The following CREBBP variants were observed in gnomAD, a reference collection of about 807,000 sequenced individuals.
CREBBP encodes the protein CREB binding lysine acetyltransferase.
Under a neutral mutation model 265.0 loss-of-function variants are expected in CREBBP, and 19 were observed. That is an observed-to-expected ratio of 0.07 (90% CI 0.05 to 0.11). The LOEUF is 0.11. Among genes scored for constraint, CREBBP ranks in the 10% least tolerant of loss-of-function variants. The pLI, the probability that CREBBP is intolerant of heterozygous loss-of-function variation, is 1.00. For missense variants in CREBBP, 2,525 were observed against 3,219.0 expected (o/e 0.78, Z 5.22); for synonymous variants, 1,457 against 1,223.7 (o/e 1.19, Z -3.98).
chr16:3,879,234 G>A (rs1473979367), intron 1 of CREBBP, among the ~76,000 whole-genome samples: 1 of 150,720 alleles, frequency 6.6e-6, no homozygotes, highest in African/African-American at 2.4e-5. Context: ...ACACACGCGC[G>A]CACACACACA....
At chr16:3,831,447 T>C (rs2054340755) in intron 2 of CREBBP, among the ~76,000 whole-genome samples, 1 of 152,070 alleles carries the variant, frequency 6.6e-6, no homozygotes, top group Non-Finnish European at 1.5e-5. Context: ...TAAGGAGAAA[T>C]TTATTGCCCA....
At chr16:3,867,903 C>T (rs1036377629) in intron 1 of CREBBP, among the ~76,000 whole-genome samples, 2 of 151,858 alleles carry the variant, frequency 1.3e-5, no homozygotes, top group East Asian at 1.9e-4. Context: ...ACCAGCCTGG[C>T]GGACAGAGTG....
At chr16:3,762,876 G>A (rs1316905625) in intron 16 of CREBBP, among the ~76,000 whole-genome samples, 6 of 151,856 alleles carry the variant, frequency 4.0e-5, no homozygotes, top group Non-Finnish European at 7.4e-5. Context: ...CCAGGTTCAT[G>A]CCATTCTCCT....
rs1281471008 is a variant in CREBBP at position 3,728,567 on chromosome 16, C to A, written c.6480G>T (p.Ala2160=). 4.0e-5 allele frequency: 65 copies of A among 1,614,030 alleles called. No individual in the cohort carries two copies. Among genetic ancestry groups the A allele is most frequent in the Non-Finnish European group, 5.3e-5 (62 of 1,179,988 alleles). The part of the protein sequence containing the change: ...PRPGVPPQQQ[A]MGGLNPQGQA... ...GGCCCTGGGGGTTCAGGCCTCCCAT[C>A]GCCTGCTGCTGTGGAGGCACACCGG... The change falls in exon 31 of 31, where the codon GCG becomes GCT. Residue 2160 remains alanine (A), a synonymous_variant. Coordinates refer to ENST00000262367, the MANE Select transcript of CREBBP (RefSeq NM_004380.3). This position sits in a 1 kb window ranked among gnomAD's most constrained non-coding sequence, Gnocchi z 8.7.
At chr16:3,741,363 T>C (rs914254777) in intron 23 of CREBBP, 1 of 152,228 alleles carries the variant, frequency 6.6e-6, no homozygotes, top group Non-Finnish European at 1.5e-5. Context: ...TTTCCTACAT[T>C]AGTGAGAAAT....
At chr16:3,798,806 C>G (rs542440802) in intron 3 of CREBBP, among the ~76,000 whole-genome samples, 1 of 152,334 alleles carries the variant, frequency 6.6e-6, no homozygotes, top group Admixed American at 6.5e-5. Flanking sequence ...AAAATTACCA[C>G]ATGACCTCTG....
chr16:3,748,935 C>G (rs771782066), intron 21 of CREBBP, among the ~76,000 whole-genome samples: 12 of 152,322 alleles, frequency 7.9e-5, no homozygotes, highest in Non-Finnish European at 1.3e-4. Context: ...CACCTGAGGT[C>G]AGGAGATCGA....
At chr16:3,780,670 T>C (rs547371119) in intron 8 of CREBBP, 62 bp downstream of exon 8, 1 of 1,571,366 alleles carries the variant, frequency 6.4e-7, no homozygotes, top group Middle Eastern at 2.1e-4. Flanking sequence ...TGTCATCTGG[T>C]AGCCAATGGG....
intron 3 of CREBBP, among the ~76,000 whole-genome samples, chr16:3,799,862 CAAT>C (rs2053677998): frequency 6.6e-6 from 1 of 152,106 alleles, no homozygotes; most frequent in Admixed American, 6.5e-5. Flanking sequence ...TTACTAACAA[CAAT>C]AAGGCAGACC....
At chr16:3,741,721 CCT>C (rs1252910437) in intron 23 of CREBBP, 5 of 152,210 alleles carry the variant, frequency 3.3e-5, no homozygotes, top group East Asian at 1.9e-4. Flanking sequence ...GAGTGGATCA[CCT>C]GAGGTCAGGA....
intron 2 of CREBBP, among the ~76,000 whole-genome samples, chr16:3,832,630 T>C (rs1156900574): frequency 6.6e-6 from 1 of 152,204 alleles, no homozygotes; most frequent in African/African-American, 2.4e-5. Context: ...TGTAACAAAA[T>C]TGTAAGTATT....
At chr16:3,802,237 T>C (rs1217490610) in intron 3 of CREBBP, among the ~76,000 whole-genome samples, 1 of 142,666 alleles carries the variant, frequency 7.0e-6, no homozygotes, top group Non-Finnish European at 1.5e-5. Flanking sequence ...ATTCAAGCAA[T>C]TCTCCTGTCT....
chr16:3,831,430 T>C lies in CREBBP; in HGVS notation c.798+18867A>G, dbSNP rs532899322. On this transcript the variant is annotated intron_variant, in intron 2 of 30. Coordinates refer to ENST00000262367, the MANE Select transcript of CREBBP (RefSeq NM_004380.3). ...GAAATGGGGAAATAAAAAAGATGCA[T>C]AGGGTTTAAGGAGAAATTTATTGCC... Among the ~76,000 whole-genome samples, 3 of 152,278 alleles carry C rather than the reference T, an allele frequency of 2.0e-5. No individual in the cohort carries two copies. In the East Asian group the frequency reaches 5.8e-4, roughly 29 times the overall value.
chr16:3,870,511 C>A (rs1245362927), intron 1 of CREBBP, among the ~76,000 whole-genome samples: 1 of 152,168 alleles, frequency 6.6e-6, no homozygotes, highest in Non-Finnish European at 1.5e-5. Flanking sequence ...ATTAAGAGTT[C>A]AATTTTCCAA....
Position 3,740,678 on chromosome 16 carries a change from G to A in CREBBP, c.3983-129C>T. ...TAAAGGACTAATGTTCTCCAAACAC[G>A]GAAGAAATCTAATCTGTCCTGTGAC... On this transcript the variant is annotated intron_variant, in intron 23 of 30. Transcript: ENST00000262367. 1.4e-5 allele frequency: 15 copies of A among 1,084,172 alleles called. 1 individual carries two copies. The highest frequency in any genetic ancestry group is 1.2e-4 in the South Asian group (9 of 75,110). The allele number at this position is 1,084,172 out of a possible 1,614,324, so 67.2% of individuals were successfully genotyped here.
At chr16:3,823,144 G>A (rs2054172836) in intron 2 of CREBBP, among the ~76,000 whole-genome samples, 1 of 152,196 alleles carries the variant, frequency 6.6e-6, no homozygotes, top group Admixed American at 6.5e-5. Context: ...TGGATGGCTT[G>A]TAAGCAAATG....
chr16:3,797,302 A>T (rs1023258679), intron 3 of CREBBP, among the ~76,000 whole-genome samples: 1 of 152,236 alleles, frequency 6.6e-6, no homozygotes, highest in South Asian at 2.1e-4. Context: ...ATATTGCCAG[A>T]TACTGAAACA....
chr16:3,851,734 G>A (rs1222179729), intron 1 of CREBBP, among the ~76,000 whole-genome samples: 4 of 146,810 alleles, frequency 2.7e-5, no homozygotes, highest in East Asian at 2.0e-4. Flanking sequence ...GGCGCCTGTA[G>A]TCCCAGCTAC....
Position 3,745,328 on chromosome 16 carries a change from C to T in CREBBP, c.3863G>A (p.Arg1288Gln), listed in dbSNP as rs371780176. The change falls in exon 22 of 31, where the codon CGG (arginine) becomes CAG (glutamine). Residue 1288 changes from arginine (R) to glutamine (Q), a missense_variant. By Grantham distance (43) the Arg-to-Gln change is conservative. Coordinates refer to ENST00000262367, the MANE Select transcript of CREBBP (RefSeq NM_004380.3). ...CAGAACGCAAATCTGATGCATCTTC[C>T]GGCCACACTCCTTGCAATCAACGAA... ...EPFVDCKECGRKMHQICVLHY... is the reference protein window; with the variant it reads ...EPFVDCKECGQKMHQICVLHY... 8.7e-6 allele frequency: 14 copies of T among 1,614,090 alleles called. No individual in the cohort carries two copies. Among genetic ancestry groups the T allele is most frequent in the South Asian group, 1.1e-5 (1 of 91,050 alleles).
Sources: gnomAD v4.1 joint callset for allele counts (sites outside exome capture counted in the v4.1 genomes callset) on GRCh38, gnomAD v4.1.1 for gene constraint, Gnocchi (gnomAD v3.1) non-coding constraint, MANE v1.5 for transcripts, NCBI Gene and HGNC (gene_info 2026-07-23, HGNC 2026-07-21) for gene names.